TENM2: variants seen among roughly 807,000 people sequenced by gnomAD.
TENM2 encodes teneurin transmembrane protein 2.
A neutral mutation model predicts 245.2 loss-of-function variants in TENM2; 52 were observed. That is an observed-to-expected ratio of 0.21 (90% CI 0.17 to 0.27). The LOEUF is 0.27. Among genes scored for constraint, TENM2 ranks in the 10% least tolerant of loss-of-function variants. TENM2 has a pLI of 1.00. For missense variants in TENM2, 3,046 were observed against 3,666.8 expected, an observed-to-expected ratio of 0.83 and a Z score of 4.37; for synonymous variants, 1,363 against 1,438.9, an observed-to-expected ratio of 0.95 and a Z score of 1.19.
intron 2 of TENM2, among the ~76,000 whole-genome samples, chr5:167,428,308 C>T (rs1465283155): frequency 1.3e-5 from 2 of 152,120 alleles, no homozygotes; most frequent in African/African-American, 2.4e-5. Context: ...GTAACCCTAT[C>T]CTTTGAATAA....
chr5:167,499,079 G>C (rs1309337860), intron 2 of TENM2, among the ~76,000 whole-genome samples: 1 of 152,002 alleles, frequency 6.6e-6, no homozygotes, highest in African/African-American at 2.4e-5. Context: ...TCCCTCAGTT[G>C]AGCTCATCCC....
intron 2 of TENM2, among the ~76,000 whole-genome samples, chr5:167,835,131 G>A (rs933043288): frequency 6.6e-6 from 1 of 152,292 alleles, no homozygotes; most frequent in South Asian, 2.1e-4. Flanking sequence ...ACATCATAGG[G>A]TCATGGTGAA....
intron 2 of TENM2, among the ~76,000 whole-genome samples, chr5:167,508,680 T>G (rs1283082376): frequency 6.6e-6 from 1 of 152,194 alleles, no homozygotes; most frequent in Non-Finnish European, 1.5e-5. Context: ...TATCACAAAT[T>G]TAAAGACAGG....
intron 2 of TENM2, among the ~76,000 whole-genome samples, chr5:167,686,200 A>T (rs774145242): frequency 1.6e-4 from 24 of 152,212 alleles, no homozygotes; most frequent in Non-Finnish European, 3.2e-4. Context: ...TTTGAGAAGG[A>T]TAGGCTATTT....
At chr5:167,686,954 A>G (rs1010713593) in intron 2 of TENM2, among the ~76,000 whole-genome samples, 4 of 152,160 alleles carry the variant, frequency 2.6e-5, no homozygotes, top group Admixed American at 2.6e-4. Context: ...ATCGTCCAAA[A>G]CAGCCCCAGC....
intron 1 of TENM2, among the ~76,000 whole-genome samples, chr5:167,359,124 G>A (rs1015998783): frequency 1.3e-5 from 2 of 152,144 alleles, no homozygotes; most frequent in African/African-American, 4.8e-5. Context: ...TCTCAGAAGA[G>A]CAATCCTTTT....
intron 23 of TENM2, among the ~76,000 whole-genome samples, chr5:168,220,995 T>C (rs1763619342): frequency 1.3e-5 from 2 of 151,768 alleles, no homozygotes; most frequent in Non-Finnish European, 2.9e-5. Flanking sequence ...ACTTATAGTC[T>C]CAGCTACTTA....
At chr5:167,373,268 G>A (rs944163154) in intron 1 of TENM2, among the ~76,000 whole-genome samples, 1 of 152,214 alleles carries the variant, frequency 6.6e-6, no homozygotes, top group African/African-American at 2.4e-5. Flanking sequence ...AGTCCCACTA[G>A]GTTAATGTGA....
At chr5:167,349,875 T>C (rs562350434) in intron 1 of TENM2, among the ~76,000 whole-genome samples, 1 of 152,000 alleles carries the variant, frequency 6.6e-6, no homozygotes, top group African/African-American at 2.4e-5. Flanking sequence ...TGAAAGACAA[T>C]ATTGCCTATA....
intron 9 of TENM2, among the ~76,000 whole-genome samples, chr5:168,105,702 G>GA (rs998413340): frequency 3.3e-5 from 5 of 151,988 alleles, no homozygotes; most frequent in African/African-American, 1.2e-4. Flanking sequence ...AGGGCCTCAG[G>GA]AAAAATGGCA....
intron 2 of TENM2, among the ~76,000 whole-genome samples, chr5:167,749,655 A>G (rs151028350): frequency 0.01 from 1,534 of 151,666 alleles, 103 homozygotes; most frequent in Admixed American, 0.087. Context: ...AAAAAAATCA[A>G]TGGGAAGAGA....
intron 1 of TENM2, among the ~76,000 whole-genome samples, chr5:167,298,996 G>C (rs150936452): frequency 2.0e-5 from 3 of 152,166 alleles, no homozygotes; most frequent in Non-Finnish European, 4.4e-5. Context: ...AAAAAGGAGC[G>C]TCCATACAGG....
intron 27 of TENM2, among the ~76,000 whole-genome samples, chr5:168,257,782 A>T (rs759977543): frequency 5.9e-5 from 9 of 151,990 alleles, no homozygotes; most frequent in African/African-American, 1.9e-4. Flanking sequence ...CGCCCAGCTA[A>T]TTTTTGTATT....
Position 167,292,813 on chromosome 5 carries a change from G to C in TENM2, c.226+7750G>C, listed in dbSNP as rs1176662159. Reference sequence around the variant, plus strand: ...GGATAATATTGGATGGTTTTGGAGAGACCTCTAACCCAGATTTATGTCCGG... The same window carrying C: ...GGATAATATTGGATGGTTTTGGAGACACCTCTAACCCAGATTTATGTCCGG... On this transcript the variant is annotated intron_variant, in intron 1 of 28. Coordinates refer to ENST00000518659, the Ensembl canonical transcript of TENM2. Among the ~76,000 whole-genome samples, 4 of 152,200 alleles carry C rather than the reference G, an allele frequency of 2.6e-5. No homozygotes were observed. The East Asian group carries it at 7.7e-4, about 29-fold the overall frequency.
the TENM2 span, among the ~76,000 whole-genome samples, chr5:167,173,093 T>C: frequency 6.6e-6 from 1 of 152,154 alleles, no homozygotes; most frequent in Non-Finnish European, 1.5e-5. Flanking sequence ...AAGACTGTGG[T>C]GTTAGGCTCA....
intron 2 of TENM2, among the ~76,000 whole-genome samples, chr5:167,562,310 AT>A (rs147281247): frequency 5.9e-5 from 9 of 152,218 alleles, no homozygotes; most frequent in Middle Eastern, 3.4e-3. Flanking sequence ...GCAAAGAGGC[AT>A]TTTTTCCCCC....
the TENM2 span, among the ~76,000 whole-genome samples, chr5:167,184,857 T>A: frequency 6.6e-6 from 1 of 152,176 alleles, no homozygotes; most frequent in Non-Finnish European, 1.5e-5. Context: ...GGAATTCTAT[T>A]CTTAGTCTTT....
chr5:167,560,034 G>A (rs13157086), intron 2 of TENM2, among the ~76,000 whole-genome samples: 86,410 of 151,494 alleles, frequency 0.57, 26,929 homozygotes, highest in Middle Eastern at 0.7. Flanking sequence ...TCTCAGATCC[G>A]TACTGTTGTG....
chr5:168,231,501 C>T (rs1764896664), intron 25 of TENM2, among the ~76,000 whole-genome samples: 2 of 152,182 alleles, frequency 1.3e-5, no homozygotes, highest in Admixed American at 6.5e-5. Flanking sequence ...AGAGACTGCA[C>T]ATGGAAAAGA....
Sources: gnomAD v4.1 joint callset for allele counts (sites outside exome capture counted in the v4.1 genomes callset) on GRCh38, gnomAD v4.1.1 for gene constraint, MANE v1.5 for transcripts, NCBI Gene and HGNC (gene_info 2026-07-23, HGNC 2026-07-21) for gene names.